Variants in TOP3B observed in about 807,000 individuals in gnomAD.
The protein encoded by TOP3B is DNA topoisomerase III beta.
A neutral mutation model predicts 93.9 loss-of-function variants in TOP3B; 45 were observed. The observed-to-expected ratio is 0.48, with a 90% CI of 0.38 to 0.61. The LOEUF (loss-of-function observed/expected upper bound fraction) is 0.61. TOP3B is among the 20% of genes least tolerant of loss of function. The probability of loss-of-function intolerance (pLI) is 0.00; values close to 1 mark genes in which losing one functional copy is unlikely to be tolerated. For synonymous variants in TOP3B, 357 were observed against 472.6 expected, an observed-to-expected ratio of 0.76 and a Z score of 3.17; for missense variants, 750 against 1,156.1, an observed-to-expected ratio of 0.65 and a Z score of 5.09.
intron 16 of TOP3B, 92 bp downstream of exon 16, chr22:21,959,040 A>G: frequency 6.5e-7 from 1 of 1,533,160 alleles, no homozygotes; most frequent in African/African-American, 1.4e-5. Flanking sequence ...TGTGACAACC[A>G]GGACAAAGAA....
intron 6 of TOP3B, chr22:21,969,302 A>AT (rs1215003399): frequency 2.0e-5 from 3 of 152,964 alleles, no homozygotes; most frequent in Non-Finnish European, 4.4e-5. Flanking sequence ...CACCCAGCTA[A>AT]TTAAAACAAA....
chr22:21,972,072 G>GT, intron 4 of TOP3B, 121 bp from the exon 5 acceptor site: 1 of 764,942 alleles, frequency 1.3e-6, no homozygotes. Context: ...AGGAGGACTG[G>GT]TACCTGGGCT....
chr22:21,969,259 C>A (rs2071536324), intron 6 of TOP3B: 1 of 153,844 alleles, frequency 6.5e-6, no homozygotes, highest in African/African-American at 2.4e-5. Flanking sequence ...CCTCAGCCTC[C>A]CAAGTAACTG....
In TOP3B at chr22:21,965,349, CT is replaced by C; in HGVS notation, c.878del (p.Lys293ArgfsTer9). 3 of 1,606,740 alleles carry C rather than the reference CT, an allele frequency of 1.9e-6. No homozygotes were observed. Among genetic ancestry groups the C allele is most frequent in the East Asian group, 2.3e-5 (1 of 44,286 alleles). ...AQVEATSRKE[K>X]AKQRPLALNT... Reference sequence around the variant, plus strand: ...TCAGGGCCAGGGGCCTCTGCTTGGCCTTTTCTTTCCTGCTTGTGGCCTCCAC... The same window carrying C: ...TCAGGGCCAGGGGCCTCTGCTTGGCCTTTCTTTCCTGCTTGTGGCCTCCAC... On this transcript the variant is annotated frameshift_variant, in exon 9 of 18. Transcript: ENST00000357179. LOFTEE classifies it high-confidence loss of function.
Position 21,964,295 on chromosome 22 carries a change from T to C in TOP3B, c.964A>G (p.Met322Val), listed in dbSNP as rs754384547. Residue 322 changes from methionine to valine, a missense_variant, in exon 10 of 18, where the codon ATG becomes GTG. Physicochemically the swap from Met to Val is conservative, Grantham distance 21 (BLOSUM62 1). Around this residue, in one of 4 missense-constraint regions of TOP3B, gnomAD observed 737 missense variants for 933.7 expected, o/e 0.79. Coordinates refer to ENST00000357179, the MANE Select transcript of TOP3B (RefSeq NM_001282112.2). ...GTGTAGAGCCGCTCAGCCGTCTGCA[T>C]GGCGTGCTGCGGCCCCATGCCTGCG... ...SSLGMGPQHA[M>V]QTAERLYTQG... 9 of 1,613,738 alleles carry C rather than the reference T, an allele frequency of 5.6e-6. No individual in the cohort carries two copies. Among genetic ancestry groups the C allele is most frequent in the African/African-American group, 2.7e-5 (2 of 74,888 alleles).
At position 21,962,160 on chromosome 22, in the gene TOP3B, C is replaced by T. The variant is rs1188079341; in HGVS notation, c.1525+269G>A. On this transcript the variant is annotated intron_variant, in intron 13 of 17. Coordinates refer to ENST00000357179, the MANE Select transcript of TOP3B (RefSeq NM_001282112.2). ...CTGGGCCAATCTTCAGCCTTGTGGGCGTTAGTCGGTGTGTGCACACCCCAC... is the reference window on the plus strand; with the variant it reads ...CTGGGCCAATCTTCAGCCTTGTGGGTGTTAGTCGGTGTGTGCACACCCCAC... 1.5e-5 allele frequency: 21 copies of T among 1,392,084 alleles called. No individual in the cohort carries two copies. The Admixed American group carries it at 4.7e-4, about 31-fold the overall frequency. The allele number at this position is 1,392,084 out of a possible 1,614,324, so 86.2% of individuals were successfully genotyped here.
intron 1 of TOP3B, chr22:21,982,444 A>G (rs2084652824): frequency 6.6e-6 from 1 of 152,188 alleles, no homozygotes; most frequent in Non-Finnish European, 1.5e-5. Flanking sequence ...ATCTCACCCT[A>G]AAGAGCTGTG....
At chr22:21,982,075 A>T (rs2084644084) in intron 1 of TOP3B, 1 of 152,208 alleles carries the variant, frequency 6.6e-6, no homozygotes, top group African/African-American at 2.4e-5. Context: ...AAGTCACACT[A>T]GTGTCAGGTG....
At chr22:21,959,963 A>G in intron 14 of TOP3B, 1 of 660,634 alleles carries the variant, frequency 1.5e-6, no homozygotes, top group East Asian at 2.8e-5. Context: ...GTGGCCAGGG[A>G]TGTCCTGTGG....
intron 6 of TOP3B, 147 bp from the exon 7 acceptor site, chr22:21,968,922 G>C: frequency 1.3e-6 from 1 of 793,396 alleles, no homozygotes; most frequent in African/African-American, 1.7e-5. Context: ...TGGGAGCAGA[G>C]TGGGCATAGC....
chr22:21,959,616 T>A lies in TOP3B; in HGVS notation c.1775A>T (p.Lys592Met). The A allele has an allele frequency of 6.2e-7, 1 of 1,613,200 alleles. No individual in the cohort carries two copies. Among genetic ancestry groups the A allele is most frequent in the Non-Finnish European group, 8.5e-7 (1 of 1,179,550 alleles). ...AATGGAGTCGACAAAGTAGTGGAAC[T>A]TCCTCTTGAACACGTCCAGGGTGTG... ...LGHTLDVFKR[K>M]FHYFVDSIAG... The change falls in exon 15 of 18, where the codon AAG (lysine) becomes ATG (methionine). Residue 592 changes from lysine (K) to methionine (M), a missense_variant. This residue lies in a region of TOP3B where 737 missense variants were observed against 933.7 expected (regional missense o/e 0.79). Coordinates refer to ENST00000357179, the MANE Select transcript of TOP3B (RefSeq NM_001282112.2).
At position 21,962,618 on chromosome 22, in the gene TOP3B, C is replaced by A; in HGVS notation, c.1352-16G>T. On this transcript the variant is annotated splice_polypyrimidine_tract_variant and intron_variant, in intron 12 of 17. Coordinates refer to ENST00000357179, the MANE Select transcript of TOP3B (RefSeq NM_001282112.2). ...TCCGTGAAGCCTGGAGAGATATGCGCCGCCACTCAGGGTCCCCAGCCTGGG... is the reference window on the plus strand; with the variant it reads ...TCCGTGAAGCCTGGAGAGATATGCGACGCCACTCAGGGTCCCCAGCCTGGG... 2.5e-6 allele frequency: 4 copies of A among 1,607,836 alleles called. No individual in the cohort carries two copies. In the African/African-American group the frequency reaches 5.3e-5, roughly 21 times the overall value.
chr22:21,969,044 C>G (rs1223646878), intron 6 of TOP3B: 1 of 417,208 alleles, frequency 2.4e-6, no homozygotes, highest in Non-Finnish European at 4.4e-6. Context: ...CTACTGCACA[C>G]TCTCCTCAGG....
At position 21,970,503 on chromosome 22, in the gene TOP3B, C is replaced by T. The variant is rs369501157; in HGVS notation, c.385-97G>A. 2.6e-4 allele frequency: 348 copies of T among 1,337,248 alleles called. 2 individuals carry two copies. The East Asian group carries it at 6.2e-3, about 24-fold the overall frequency. The allele number at this position is 1,337,248 out of a possible 1,614,324, so 82.8% of individuals were successfully genotyped here. On this transcript the variant is annotated intron_variant, in intron 5 of 17. Coordinates refer to ENST00000357179, the MANE Select transcript of TOP3B (RefSeq NM_001282112.2). The surrounding 1 kb of genome is among the most constrained non-coding windows in gnomAD (Gnocchi z 4.4). Reference sequence around the variant, plus strand: ...GCCTGGTTCCTTCCAGGAAAGAACACGTGTGCTCGGCTCCCTCTCCTGCCC... The same window carrying T: ...GCCTGGTTCCTTCCAGGAAAGAACATGTGTGCTCGGCTCCCTCTCCTGCCC...
chr22:21,958,749 C>T (rs904150631), intron 16 of TOP3B, 56 bp from the exon 17 acceptor site: 46 of 1,521,218 alleles, frequency 3.0e-5, no homozygotes, highest in Middle Eastern at 2.4e-4. Flanking sequence ...GACTTGGCAC[C>T]CACCCCCACT....
chr22:21,969,752 G>A (rs2071556469), intron 6 of TOP3B: 1 of 155,400 alleles, frequency 6.4e-6, no homozygotes, highest in Non-Finnish European at 1.4e-5. Flanking sequence ...GTAAAACCCT[G>A]TCTCTACAAA....
intron 16 of TOP3B, 185 bp downstream of exon 16, chr22:21,958,947 G>A (rs956197583): frequency 9.5e-6 from 10 of 1,049,278 alleles, no homozygotes; most frequent in African/African-American, 6.4e-5. Context: ...GTGTGTTTGC[G>A]TGGCCTAATG....
chr22:21,968,446 C>T lies in TOP3B; in HGVS notation c.738+173G>A, dbSNP rs57387772. 3.1e-3 allele frequency: 2,143 copies of T among 693,534 alleles called. 34 individuals are homozygous for T. Among genetic ancestry groups the T allele is most frequent in the African/African-American group, 0.029 (1,607 of 55,758 alleles). 43.0% of individuals were successfully genotyped at this position (693,534 alleles called of 1,614,324 possible). On this transcript the variant is annotated intron_variant, in intron 7 of 17. Transcript: ENST00000357179. ...ATACAGGCCCAGTCTCTTCCCACTG[C>T]CCCCATGAAGGCTGGGGTCCCTCAG...
intron 4 of TOP3B, chr22:21,972,323 T>A (rs1478577656): frequency 2.1e-6 from 1 of 466,468 alleles, no homozygotes; most frequent in East Asian, 3.6e-5. Flanking sequence ...TTTTCCATAA[T>A]CTGTATGCAT....
Sources: gnomAD v4.1 joint callset for allele counts on GRCh38, gnomAD v4.1.1 for gene constraint, gnomAD v4.1.1 regional missense constraint, Gnocchi (gnomAD v3.1) non-coding constraint, MANE v1.5 for transcripts, NCBI Gene and HGNC (gene_info 2026-07-23, HGNC 2026-07-21) for gene names.